Variants in DHX15 observed in about 807,000 individuals in gnomAD.
DHX15 encodes the protein ATP-dependent RNA helicase DHX15.
Under a neutral mutation model 94.4 loss-of-function variants are expected in DHX15, and 11 were observed. That is an observed-to-expected ratio of 0.12 (90% CI 0.07 to 0.19). DHX15 has a LOEUF of 0.19. Among genes scored for constraint, DHX15 ranks in the 10% least tolerant of loss-of-function variants. The probability of loss-of-function intolerance (pLI) is 1.00; values close to 1 mark genes in which losing one functional copy is unlikely to be tolerated. For missense variants in DHX15, 304 were observed against 988.5 expected, an observed-to-expected ratio of 0.31 and a Z score of 9.29; for synonymous variants, 338 against 329.9, an observed-to-expected ratio of 1.02 and a Z score of -0.27.
At chr4:24,541,483 CTTCCT>C (rs1721310798) in intron 8 of DHX15, among the ~76,000 whole-genome samples, 1 of 151,992 alleles carries the variant, frequency 6.6e-6, no homozygotes, top group African/African-American at 2.4e-5. Flanking sequence ...CCCTGAAGTG[CTTCCT>C]TTAAGTGAAA....
chr4:24,554,498 C>G (rs553171017), intron 5 of DHX15, among the ~76,000 whole-genome samples: 18 of 152,222 alleles, frequency 1.2e-4, no homozygotes, highest in Admixed American at 1.2e-3. Context: ...CTTGAAATTC[C>G]AAAAGCATTT....
intron 4 of DHX15, 67 bp downstream of exon 4, chr4:24,556,184 T>G: frequency 7.3e-7 from 1 of 1,373,342 alleles, no homozygotes. Context: ...TTGATCAGTA[T>G]GTATTCCCCA....
At chr4:24,528,637 G>A (rs1020252692) in intron 13 of DHX15, among the ~76,000 whole-genome samples, 3 of 152,162 alleles carry the variant, frequency 2.0e-5, no homozygotes, top group African/African-American at 4.8e-5. Flanking sequence ...CCTAGAATAT[G>A]TGCCTTCAGT....
chr4:24,564,884 A>G (rs1400823684), intron 3 of DHX15, among the ~76,000 whole-genome samples: 2 of 152,214 alleles, frequency 1.3e-5, no homozygotes, highest in African/African-American at 4.8e-5. Flanking sequence ...CAAAAAGGAA[A>G]CATCAAACCC....
At chr4:24,535,052 A>G (rs1721165667) in intron 11 of DHX15, among the ~76,000 whole-genome samples, 1 of 151,968 alleles carries the variant, frequency 6.6e-6, no homozygotes, top group African/African-American at 2.4e-5. Context: ...CAGCTCTACC[A>G]AATGTCAAGT....
At chr4:24,532,301 G>A (rs538742313) in intron 12 of DHX15, among the ~76,000 whole-genome samples, 2 of 152,250 alleles carry the variant, frequency 1.3e-5, no homozygotes, top group South Asian at 4.1e-4. Context: ...TTTGCAGTAC[G>A]CAAGGGTCTT....
intron 8 of DHX15, 47 bp from the exon 9 acceptor site, chr4:24,540,995 G>A (rs1721295713): frequency 8.1e-7 from 1 of 1,237,390 alleles, no homozygotes; most frequent in Admixed American, 2.0e-5. Flanking sequence ...AAATGCCTCA[G>A]TCTCCTCGTT....
chr4:24,530,696 C>T (rs990838454), intron 12 of DHX15: 4 of 151,844 alleles, frequency 2.6e-5, no homozygotes, highest in Non-Finnish European at 5.9e-5. Flanking sequence ...AAAAAAAGAG[C>T]TTGCACGTGC....
intron 3 of DHX15, among the ~76,000 whole-genome samples, chr4:24,559,393 A>AAAG (rs1553951057): frequency 1.3e-5 from 2 of 151,636 alleles, no homozygotes; most frequent in African/African-American, 2.4e-5. Context: ...AAAAAAAAAA[A>AAAG]AAAGAAACAG....
intron 6 of DHX15, 57 bp downstream of exon 6, chr4:24,548,798 T>G: frequency 6.6e-7 from 1 of 1,514,846 alleles, no homozygotes; most frequent in South Asian, 1.2e-5. Context: ...TGAATACAGT[T>G]TATATCTCAT....
chr4:24,571,933 G>A (rs767459953), intron 2 of DHX15, among the ~76,000 whole-genome samples: 4 of 152,048 alleles, frequency 2.6e-5, no homozygotes, highest in Admixed American at 1.3e-4. Context: ...AGTATCTATC[G>A]GGTTCTGTAA....
intron 3 of DHX15, among the ~76,000 whole-genome samples, chr4:24,565,177 A>G (rs1387375319): frequency 6.6e-6 from 1 of 152,260 alleles, no homozygotes; most frequent in Non-Finnish European, 1.5e-5. Context: ...TTTTTAAGAT[A>G]TTGGCACTGT....
chr4:24,557,156 T>A (rs1721757051), intron 3 of DHX15, among the ~76,000 whole-genome samples: 2 of 152,092 alleles, frequency 1.3e-5, no homozygotes, highest in Non-Finnish European at 2.9e-5. Flanking sequence ...CACGTAAGAA[T>A]GAAGGCAATG....
intron 3 of DHX15, among the ~76,000 whole-genome samples, chr4:24,560,025 G>C (rs1721831659): frequency 6.6e-6 from 1 of 152,042 alleles, no homozygotes; most frequent in Admixed American, 6.6e-5. Flanking sequence ...AAAACCCCAT[G>C]TACTGAACAG....
intron 1 of DHX15, among the ~76,000 whole-genome samples, chr4:24,583,780 C>T (rs1577355471): frequency 6.6e-6 from 1 of 152,110 alleles, no homozygotes; most frequent in Non-Finnish European, 1.5e-5. Context: ...TCTCAACTCC[C>T]GCCACCCCCA....
chr4:24,529,874 T>A, intron 12 of DHX15, 104 bp from the exon 13 acceptor site: 1 of 1,147,418 alleles, frequency 8.7e-7, no homozygotes, highest in Admixed American at 1.9e-5. Flanking sequence ...TTACTTTTCA[T>A]TCTATGGCTA....
intron 5 of DHX15, among the ~76,000 whole-genome samples, chr4:24,552,513 T>C (rs1255824674): frequency 1.3e-5 from 2 of 152,212 alleles, no homozygotes; most frequent in African/African-American, 4.8e-5. Context: ...AAAAACCAGT[T>C]TTAAATTTTT....
rs1721680254 is a variant in DHX15 at position 24,554,467 on chromosome 4, C to G, written c.1080+258G>C. ...AATAGCACTTATATCCCAGGGATCT[C>G]TTAAACTACAATTGCAAAATCTTGA... On this transcript the variant is annotated intron_variant, in intron 5 of 13. Coordinates refer to ENST00000336812, the MANE Select transcript of DHX15 (RefSeq NM_001358.3). Among the ~76,000 whole-genome samples, 4 of 152,170 alleles carry G rather than the reference C, an allele frequency of 2.6e-5. No homozygotes were observed. In the South Asian group the frequency reaches 8.3e-4, roughly 32 times the overall value.
At chr4:24,571,445 A>G (rs1259543387) in intron 2 of DHX15, among the ~76,000 whole-genome samples, 1 of 152,202 alleles carries the variant, frequency 6.6e-6, no homozygotes, top group Non-Finnish European at 1.5e-5. Context: ...CTAGAGCAGC[A>G]CCACTTCGTT....
Sources: gnomAD v4.1 joint callset for allele counts (sites outside exome capture counted in the v4.1 genomes callset) on GRCh38, gnomAD v4.1.1 for gene constraint, MANE v1.5 for transcripts, NCBI Gene and HGNC (gene_info 2026-07-23, HGNC 2026-07-21) for gene names.